BMPER: variants seen among roughly 807,000 people sequenced by gnomAD.
BMPER encodes the protein BMP-binding endothelial regulator protein.
A neutral mutation model predicts 87.3 loss-of-function variants in BMPER; 45 were observed. The observed-to-expected ratio is 0.52, with a 90% CI of 0.41 to 0.66. The LOEUF (loss-of-function observed/expected upper bound fraction) is 0.66, where lower values mean the gene tolerates loss of function less well. BMPER is among the 30% of genes least tolerant of loss of function. BMPER has a pLI of 0.00. For missense variants in BMPER, 784 were observed against 867.5 expected (o/e 0.90, Z 1.21); for synonymous variants, 326 against 316.2 (o/e 1.03, Z -0.33).
rs116166026 is a variant in BMPER at position 33,948,985 on chromosome 7, A to G, written c.319+11597A>G. ...GAACTCGGCAGTTCTTCACCCGGGC[A>G]CAGCCCCCTTCTCCCTCCAGGACTG... On this transcript the variant is annotated intron_variant, in intron 3 of 14. Transcript: ENST00000649409. 7.6e-3 allele frequency among the ~76,000 whole-genome samples: 1,158 copies of G among 152,278 alleles called. 11 individuals are homozygous for G. Among genetic ancestry groups the G allele is most frequent in the African/African-American group, 0.026 (1,096 of 41,546 alleles).
At chr7:33,909,578 T>G (rs1783904500) in intron 2 of BMPER, among the ~76,000 whole-genome samples, 3 of 151,014 alleles carry the variant, frequency 2.0e-5, no homozygotes, top group African/African-American at 7.3e-5. Flanking sequence ...AACTGTACTT[T>G]GGATAAAGAA....
chr7:33,989,935 G>T (rs1786154187), intron 6 of BMPER, among the ~76,000 whole-genome samples: 1 of 152,086 alleles, frequency 6.6e-6, no homozygotes, highest in East Asian at 1.9e-4. Context: ...TAGATATGCG[G>T]CGTTATTTCT....
intron 13 of BMPER, among the ~76,000 whole-genome samples, chr7:34,115,093 C>T (rs1790076395): frequency 6.6e-6 from 1 of 152,136 alleles, no homozygotes; most frequent in Non-Finnish European, 1.5e-5. Flanking sequence ...ATAAAAATGG[C>T]TTTAAACTTG....
intron 7 of BMPER, among the ~76,000 whole-genome samples, chr7:34,051,273 A>C (rs1788140792): frequency 6.6e-6 from 1 of 152,188 alleles, no homozygotes; most frequent in Non-Finnish European, 1.5e-5. Flanking sequence ...AATTTTGTGG[A>C]GACACAAATG....
In BMPER at chr7:33,909,059, A is replaced by G. The variant is rs80286603; in HGVS notation, c.219+2156A>G. Among the ~76,000 whole-genome samples, 1,122 of 152,324 alleles carry G rather than the reference A, an allele frequency of 7.4e-3. 9 individuals are homozygous for G. The highest frequency in any genetic ancestry group is 0.022 in the African/African-American group (934 of 41,566). Reference sequence around the variant, plus strand: ...GGTAGACCTATTGAGCAAATTGATAATAATAGCAATGGTAAACATTTATGT... The same window carrying G: ...GGTAGACCTATTGAGCAAATTGATAGTAATAGCAATGGTAAACATTTATGT... On this transcript the variant is annotated intron_variant, in intron 2 of 14. Transcript: ENST00000649409.
At chr7:34,076,333 A>T (rs1042411692) in intron 11 of BMPER, among the ~76,000 whole-genome samples, 1 of 152,214 alleles carries the variant, frequency 6.6e-6, no homozygotes, top group Non-Finnish European at 1.5e-5. Context: ...CGAATAAAAA[A>T]CAGAAAAGCA....
intron 13 of BMPER, among the ~76,000 whole-genome samples, chr7:34,103,830 C>T (rs776118746): frequency 1.7e-4 from 26 of 152,182 alleles, no homozygotes; most frequent in Non-Finnish European, 3.1e-4. Flanking sequence ...AAACAGAGAA[C>T]CAGTCTTCCT....
chr7:34,001,048 CT>C lies in BMPER; in HGVS notation c.576+26272del, dbSNP rs1040360825. On this transcript the variant is annotated intron_variant, in intron 6 of 14. Transcript: ENST00000649409. ...CTGCGATAACTCTCACATGCTATATCTTTTTTTTATATATTGTTGTACTCAA... is the reference window on the plus strand; with the variant it reads ...CTGCGATAACTCTCACATGCTATATCTTTTTTTATATATTGTTGTACTCAA... Among the ~76,000 whole-genome samples, 7 of 151,484 alleles carry C rather than the reference CT, an allele frequency of 4.6e-5. No homozygotes were observed. In the South Asian group the frequency reaches 6.3e-4, roughly 14 times the overall value.
chr7:33,966,216 A>G (rs1341021386), intron 3 of BMPER, among the ~76,000 whole-genome samples: 3 of 152,176 alleles, frequency 2.0e-5, no homozygotes, highest in African/African-American at 4.8e-5. Flanking sequence ...TTTGGCCATG[A>G]GAGTTCATCA....
chr7:34,011,595 AAAAAAAAAAGAAAAAAAAAGAAAG>A (rs1786880052), intron 6 of BMPER, among the ~76,000 whole-genome samples: 1 of 149,016 alleles, frequency 6.7e-6, no homozygotes, highest in African/African-American at 2.5e-5. Flanking sequence ...AAAAAAAAAA[AAAAAAAAAAGAAAAAAAAAGAAAG>A]AAAAAAGAAA....
At chr7:34,085,630 G>A (rs1251250475) in intron 12 of BMPER, 126 bp from the exon 13 acceptor site, 2 of 907,120 alleles carry the variant, frequency 2.2e-6, no homozygotes, top group Admixed American at 2.0e-5. Flanking sequence ...CAAGAATTTG[G>A]ACCAACCCTT....
intron 10 of BMPER, 29 bp downstream of exon 10, chr7:34,058,192 C>T: frequency 6.3e-7 from 1 of 1,592,872 alleles, no homozygotes; most frequent in Middle Eastern, 1.7e-4. Context: ...TTGACTTTAC[C>T]TTAGCGTCTT....
chr7:34,070,534 C>T (rs1788709478), intron 11 of BMPER, among the ~76,000 whole-genome samples: 1 of 152,120 alleles, frequency 6.6e-6, no homozygotes, highest in Non-Finnish European at 1.5e-5. Flanking sequence ...TTTTTGCACA[C>T]CCCTGTCAGA....
chr7:33,908,988 C>G (rs1488712963), intron 2 of BMPER, among the ~76,000 whole-genome samples: 1 of 152,138 alleles, frequency 6.6e-6, no homozygotes, highest in Non-Finnish European at 1.5e-5. Flanking sequence ...TCAAAGCACT[C>G]CGGACAGCCA....
chr7:33,932,639 AAAAAT>A (rs1484535220), intron 2 of BMPER, among the ~76,000 whole-genome samples: 1 of 152,170 alleles, frequency 6.6e-6, no homozygotes, highest in Non-Finnish European at 1.5e-5. Flanking sequence ...TTCATAGTCT[AAAAAT>A]AAAGGATCCG....
intron 3 of BMPER, among the ~76,000 whole-genome samples, chr7:33,956,947 G>T (rs1246660823): frequency 6.6e-6 from 1 of 152,134 alleles, no homozygotes; most frequent in East Asian, 1.9e-4. Context: ...AACACCAAAT[G>T]CTGGCAAAGA....
intron 13 of BMPER, among the ~76,000 whole-genome samples, chr7:34,104,424 G>T (rs1000062675): frequency 1.3e-5 from 2 of 152,170 alleles, no homozygotes; most frequent in Non-Finnish European, 2.9e-5. Flanking sequence ...AAGACACAGC[G>T]AGTTGTGTTG....
intron 2 of BMPER, among the ~76,000 whole-genome samples, chr7:33,910,727 G>A (rs866041688): frequency 7.9e-5 from 12 of 152,316 alleles, no homozygotes; most frequent in Non-Finnish European, 1.5e-4. Flanking sequence ...GGCTCCACCT[G>A]TCTTGGAGCC....
rs1330766844 is a variant in BMPER at position 34,039,901 on chromosome 7, G to A, written c.577-6405G>A. 2.0e-5 allele frequency among the ~76,000 whole-genome samples: 3 copies of A among 152,152 alleles called. No homozygotes were observed. The South Asian group carries it at 6.2e-4, about 32-fold the overall frequency. On this transcript the variant is annotated intron_variant, in intron 6 of 14. Coordinates refer to ENST00000649409, the MANE Select transcript of BMPER (RefSeq NM_001365308.1). ...CTTGTATCAGTCAAGGTCTCATCAG[G>A]AGGCATAAACCATACCAGTTATTTG... is the stretch of plus-strand genomic sequence containing the variant.
Sources: allele counts gnomAD v4.1 joint callset (sites outside exome capture counted in the v4.1 genomes callset), GRCh38; gene constraint gnomAD v4.1.1; transcripts MANE v1.5; gene names NCBI Gene and HGNC (gene_info 2026-07-23, HGNC 2026-07-21).